Variants in ST6GALNAC5 observed in about 807,000 individuals in gnomAD.
ST6GALNAC5 encodes ST6 N-acetylgalactosaminide alpha-2,6-sialyltransferase 5.
A neutral mutation model predicts 33.6 loss-of-function variants in ST6GALNAC5; 27 were observed. The observed-to-expected ratio is 0.80, with a 90% CI of 0.59 to 1.11. The LOEUF is 1.11. ST6GALNAC5 is among the 50% of genes least tolerant of loss of function. The pLI is 0.00. For synonymous variants in ST6GALNAC5, 194 were observed against 171.2 expected, an observed-to-expected ratio of 1.13 and a Z score of -1.04; for missense variants, 428 against 454.0, an observed-to-expected ratio of 0.94 and a Z score of 0.52.
At position 76,910,665 on chromosome 1, in the gene ST6GALNAC5, A is replaced by G. The variant is rs190430296; in HGVS notation, c.261+41923A>G. On this transcript the variant is annotated intron_variant, in intron 2 of 4. Transcript: ENST00000477717. ...GATACCTTTTCTGTAGGTTGTTATCAATGTGAGTTTGAATAAGCATTTATT... is the reference window on the plus strand; with the variant it reads ...GATACCTTTTCTGTAGGTTGTTATCGATGTGAGTTTGAATAAGCATTTATT... Among the ~76,000 whole-genome samples, 6 of 152,176 alleles carry G rather than the reference A, an allele frequency of 3.9e-5. No homozygotes were observed. The East Asian group carries it at 9.7e-4, about 24-fold the overall frequency.
At chr1:77,021,090 T>C (rs1343360336) in intron 2 of ST6GALNAC5, among the ~76,000 whole-genome samples, 5 of 152,202 alleles carry the variant, frequency 3.3e-5, no homozygotes, top group Non-Finnish European at 7.3e-5. Flanking sequence ...GGTGAGCCCA[T>C]ATTTAGGGCA....
chr1:76,965,524 T>C (rs1437416499), intron 2 of ST6GALNAC5, among the ~76,000 whole-genome samples: 3 of 152,188 alleles, frequency 2.0e-5, no homozygotes, highest in Non-Finnish European at 4.4e-5. Context: ...ATCAGATGGG[T>C]AGATTGCAAA....
intron 2 of ST6GALNAC5, among the ~76,000 whole-genome samples, chr1:76,997,646 TAATGTC>T (rs1309302474): frequency 6.6e-6 from 1 of 152,182 alleles, no homozygotes; most frequent in Non-Finnish European, 1.5e-5. Flanking sequence ...AAATAAAACT[TAATGTC>T]TATAGTTCAG....
intron 3 of ST6GALNAC5, among the ~76,000 whole-genome samples, chr1:77,047,594 C>T (rs932665222): frequency 1.3e-5 from 2 of 152,120 alleles, no homozygotes; most frequent in Middle Eastern, 3.2e-3. Context: ...TGACAAATGA[C>T]TTAGATGGCC....
In ST6GALNAC5 at chr1:76,868,154, G is replaced by T. The variant is rs1653393165; in HGVS notation, c.16-343G>T. 6.6e-6 allele frequency among the ~76,000 whole-genome samples: 1 copy of T among 152,180 alleles called. No homozygotes were observed. Among genetic ancestry groups the T allele is most frequent in the African/African-American group, 2.4e-5 (1 of 41,456 alleles). ...GAAGGACTCAAAATTCCAGCAGCTTGGCTGGGGTGGCTGCGCCAGACGGGC... is the reference window on the plus strand; with the variant it reads ...GAAGGACTCAAAATTCCAGCAGCTTTGCTGGGGTGGCTGCGCCAGACGGGC... On this transcript the variant is annotated intron_variant, in intron 1 of 4. Transcript: ENST00000477717. This position sits in a 1 kb window ranked among gnomAD's most constrained non-coding sequence, Gnocchi z 4.3.
chr1:76,910,966 G>A (rs1204455648), intron 2 of ST6GALNAC5, among the ~76,000 whole-genome samples: 4 of 151,740 alleles, frequency 2.6e-5, no homozygotes, highest in Admixed American at 6.6e-5. Context: ...TAACCCTTTC[G>A]CCTCTAGAAT....
intron 2 of ST6GALNAC5, among the ~76,000 whole-genome samples, chr1:76,938,248 G>A (rs1146670): frequency 0.024 from 3,604 of 152,142 alleles, 136 homozygotes; most frequent in African/African-American, 0.083. Context: ...GCCAGGGAAA[G>A]GGAGCAGCAA....
At chr1:76,871,612 G>A (rs1368074383) in intron 2 of ST6GALNAC5, among the ~76,000 whole-genome samples, 2 of 152,202 alleles carry the variant, frequency 1.3e-5, no homozygotes, top group African/African-American at 2.4e-5. Flanking sequence ...AATTACTGTT[G>A]AGATTAAATC....
intron 2 of ST6GALNAC5, among the ~76,000 whole-genome samples, chr1:76,903,031 AC>A (rs1646833181): frequency 6.6e-6 from 1 of 152,130 alleles, no homozygotes; most frequent in African/African-American, 2.4e-5. Flanking sequence ...AACAACAACA[AC>A]AAAAAATTGG....
At chr1:76,904,497 A>G (rs1570656998) in intron 2 of ST6GALNAC5, among the ~76,000 whole-genome samples, 1 of 152,360 alleles carries the variant, frequency 6.6e-6, no homozygotes, top group East Asian at 1.9e-4. Context: ...AAAGCATACA[A>G]TATGAATGAA....
intron 2 of ST6GALNAC5, among the ~76,000 whole-genome samples, chr1:77,014,212 T>G (rs1228371311): frequency 6.6e-6 from 1 of 152,194 alleles, no homozygotes; most frequent in African/African-American, 2.4e-5. Context: ...AGCTCAGATG[T>G]GGAGGCTGGA....
At chr1:77,046,562 T>C (rs775738471) in intron 3 of ST6GALNAC5, among the ~76,000 whole-genome samples, 16 of 152,168 alleles carry the variant, frequency 1.1e-4, no homozygotes, top group Admixed American at 2.0e-4. Flanking sequence ...GCAGATCACA[T>C]TGGGGATTCT....
Position 76,897,476 on chromosome 1 carries a change from A to C in ST6GALNAC5, c.261+28734A>C, listed in dbSNP as rs184999586. On this transcript the variant is annotated intron_variant, in intron 2 of 4. Coordinates refer to ENST00000477717, the MANE Select transcript of ST6GALNAC5 (RefSeq NM_030965.3). Reference sequence around the variant, plus strand: ...CATGCTGTAGCAGGTGAGTGATAACAGGCTTTAACCCTTTCAAAGCATGCT... The same window carrying C: ...CATGCTGTAGCAGGTGAGTGATAACCGGCTTTAACCCTTTCAAAGCATGCT... Among the ~76,000 whole-genome samples the C allele has an allele frequency of 4.3e-3, 660 of 152,268 alleles. 1 individual carries two copies. Among genetic ancestry groups the C allele is most frequent in the Non-Finnish European group, 5.5e-3 (376 of 68,024 alleles).
chr1:76,996,919 T>C (rs1048158408), intron 2 of ST6GALNAC5, among the ~76,000 whole-genome samples: 7 of 152,138 alleles, frequency 4.6e-5, no homozygotes, highest in Non-Finnish European at 8.8e-5. Flanking sequence ...CTTTAATGCA[T>C]GAGAGTAATC....
At chr1:77,038,482 C>T (rs531971045) in intron 2 of ST6GALNAC5, among the ~76,000 whole-genome samples, 1 of 152,210 alleles carries the variant, frequency 6.6e-6, no homozygotes, top group Non-Finnish European at 1.5e-5. Flanking sequence ...CAGAGCAAGA[C>T]CGGTCTCATT....
Position 76,868,618 on chromosome 1 carries a change from A to C in ST6GALNAC5, c.137A>C (p.Gln46Pro). The change falls in exon 2 of 5, where the codon CAG becomes CCG. Residue 46 changes from glutamine to proline, a missense_variant. Gln to Pro is a moderately conservative substitution (Grantham distance 76, BLOSUM62 -1). Transcript: ENST00000477717. This position sits in a 1 kb window ranked among gnomAD's most constrained non-coding sequence, Gnocchi z 4.3. ...CAGCAGCAGCAGCAGCAGCAGCAACAGCAGCAGCAGGCGTCGGCCACCGGC... is the reference window on the plus strand; with the variant it reads ...CAGCAGCAGCAGCAGCAGCAGCAACCGCAGCAGCAGGCGTCGGCCACCGGC... ...PPQQQQQQQQ[Q>P]QQQASATGSS... 6.2e-7 allele frequency: 1 copy of C among 1,610,986 alleles called. No individual in the cohort carries two copies. The highest frequency in any genetic ancestry group is 8.5e-7 in the Non-Finnish European group (1 of 1,178,848).
intron 2 of ST6GALNAC5, among the ~76,000 whole-genome samples, chr1:77,037,877 G>A (rs1651703358): frequency 6.6e-6 from 1 of 152,116 alleles, no homozygotes. Flanking sequence ...AGTTGTAAAG[G>A]GCAGAGAAAA....
intron 2 of ST6GALNAC5, among the ~76,000 whole-genome samples, chr1:77,037,997 G>A (rs1207629774): frequency 6.6e-6 from 1 of 152,214 alleles, no homozygotes; most frequent in East Asian, 1.9e-4. Flanking sequence ...CTATCTTCGT[G>A]TCATAGATGA....
intron 2 of ST6GALNAC5, among the ~76,000 whole-genome samples, chr1:76,888,090 A>C (rs1186846758): frequency 6.6e-6 from 1 of 152,188 alleles, no homozygotes; most frequent in African/African-American, 2.4e-5. Context: ...ATGGTATTAG[A>C]CACAACCGTG....
Sources: allele counts gnomAD v4.1 joint callset (sites outside exome capture counted in the v4.1 genomes callset), GRCh38; gene constraint gnomAD v4.1.1; non-coding constraint Gnocchi (gnomAD v3.1); transcripts MANE v1.5; gene names NCBI Gene and HGNC (gene_info 2026-07-23, HGNC 2026-07-21).